CSMD1: variants seen among roughly 807,000 people sequenced by gnomAD.
The protein encoded by CSMD1 is CUB and sushi domain-containing protein 1.
CSMD1 carries 213 observed loss-of-function variants against 417.5 expected under a neutral mutation model. The ratio of observed to expected loss-of-function variants is 0.51; its 90% CI spans 0.46 to 0.57. The LOEUF (loss-of-function observed/expected upper bound fraction) is 0.57, where lower values mean the gene tolerates loss of function less well. CSMD1 is among the 20% of genes least tolerant of loss of function. The pLI, the probability that CSMD1 is intolerant of heterozygous loss-of-function variation, is 0.00. For synonymous variants in CSMD1, 2,862 were observed against 1,736.8 expected (o/e 1.65, Z -16.11); for missense variants, 6,923 against 4,529.7 (o/e 1.53, Z -15.17).
At chr8:4,071,028 C>A (rs1218716222) in intron 3 of CSMD1, among the ~76,000 whole-genome samples, 2 of 152,058 alleles carry the variant, frequency 1.3e-5, no homozygotes, top group African/African-American at 4.8e-5. Context: ...CAAGCTTTTT[C>A]TCTGTCTCTT....
At chr8:3,207,921 A>G (rs1032233137) in intron 30 of CSMD1, among the ~76,000 whole-genome samples, 1 of 152,166 alleles carries the variant, frequency 6.6e-6, no homozygotes, top group Admixed American at 6.5e-5. Context: ...CAACTTCAAA[A>G]CTGAAGGTTT....
chr8:3,652,212 T>C (rs1797893211), intron 7 of CSMD1, among the ~76,000 whole-genome samples: 1 of 147,950 alleles, frequency 6.8e-6, no homozygotes, highest in South Asian at 2.2e-4. Flanking sequence ...CCTACCACCA[T>C]CAGAGCGCCA....
intron 2 of CSMD1, among the ~76,000 whole-genome samples, chr8:4,531,051 A>G (rs908791591): frequency 6.6e-6 from 1 of 152,170 alleles, no homozygotes; most frequent in African/African-American, 2.4e-5. Context: ...CGTTGATTGT[A>G]TGATACTCTA....
At position 3,538,667 on chromosome 8, in the gene CSMD1, T is replaced by C. The variant is rs147020342; in HGVS notation, c.1344+36278A>G. Reference sequence around the variant, plus strand: ...CCTCTTTTTGTTGCCAGACTGGCCTTTTCTTCCTTAGCAACGTGGCATGGC... The same window carrying C: ...CCTCTTTTTGTTGCCAGACTGGCCTCTTCTTCCTTAGCAACGTGGCATGGC... On this transcript the variant is annotated intron_variant, in intron 10 of 69. Coordinates refer to ENST00000635120, the MANE Select transcript of CSMD1 (RefSeq NM_033225.6). Among the ~76,000 whole-genome samples the C allele has an allele frequency of 5.8e-3, 882 of 152,358 alleles. 11 individuals are homozygous for C. Among genetic ancestry groups the C allele is most frequent in the African/African-American group, 0.02 (839 of 41,584 alleles).
chr8:3,448,974 G>C (rs1030051647), intron 12 of CSMD1, among the ~76,000 whole-genome samples: 1 of 152,184 alleles, frequency 6.6e-6, no homozygotes, highest in African/African-American at 2.4e-5. Context: ...AATCGCAATG[G>C]ATGTAAACAA....
At chr8:4,305,763 T>C (rs141236395) in intron 3 of CSMD1, among the ~76,000 whole-genome samples, 8 of 152,282 alleles carry the variant, frequency 5.3e-5, no homozygotes, top group African/African-American at 1.7e-4. Flanking sequence ...TACTGATCTG[T>C]ATTTTAAATT....
intron 41 of CSMD1, among the ~76,000 whole-genome samples, chr8:3,122,134 G>C (rs924921943): frequency 1.3e-5 from 2 of 152,180 alleles, no homozygotes; most frequent in South Asian, 4.1e-4. Flanking sequence ...TATCTTTTGA[G>C]ATGTAATCTT....
At chr8:4,931,373 A>C (rs1807234245) in intron 1 of CSMD1, among the ~76,000 whole-genome samples, 1 of 152,146 alleles carries the variant, frequency 6.6e-6, no homozygotes, top group African/African-American at 2.4e-5. Context: ...CATGTAACTC[A>C]CTTTAGCTAA....
intron 22 of CSMD1, among the ~76,000 whole-genome samples, chr8:3,345,837 T>C (rs895333803): frequency 6.6e-6 from 1 of 152,204 alleles, no homozygotes; most frequent in African/African-American, 2.4e-5. Context: ...TTCCCAGTTT[T>C]ACAGAAACTA....
At chr8:3,231,707 A>G (rs559833418) in intron 26 of CSMD1, among the ~76,000 whole-genome samples, 226 of 152,338 alleles carry the variant, frequency 1.5e-3, no homozygotes, top group African/African-American at 5.3e-3. Context: ...CCAAAGCTCT[A>G]TCCAATAGTG....
chr8:3,271,988 G>A (rs913104921), intron 26 of CSMD1, among the ~76,000 whole-genome samples: 1 of 151,990 alleles, frequency 6.6e-6, no homozygotes, highest in African/African-American at 2.4e-5. Flanking sequence ...TTGTGTTTGA[G>A]ACATGCAGTC....
intron 1 of CSMD1, among the ~76,000 whole-genome samples, chr8:4,946,857 A>G: frequency 6.6e-6 from 1 of 152,202 alleles, no homozygotes; most frequent in East Asian, 1.9e-4. Flanking sequence ...TTGACATAAG[A>G]TTTTAAATCA....
chr8:3,529,209 G>A (rs867014347), intron 10 of CSMD1, among the ~76,000 whole-genome samples: 1 of 152,170 alleles, frequency 6.6e-6, no homozygotes, highest in African/African-American at 2.4e-5. Context: ...CCAAAGTCAA[G>A]AGTTGTGTTA....
At position 4,604,102 on chromosome 8, in the gene CSMD1, T is replaced by C. The variant is rs1034265886; in HGVS notation, c.302+33240A>G. On this transcript the variant is annotated intron_variant, in intron 2 of 69. Transcript: ENST00000635120. ...TGTTATCATAGACAGATAAACAATTTTTTATTCTTTTTCTTTCCACTTATG... is the reference window on the plus strand; with the variant it reads ...TGTTATCATAGACAGATAAACAATTCTTTATTCTTTTTCTTTCCACTTATG... 3.9e-5 allele frequency among the ~76,000 whole-genome samples: 6 copies of C among 152,170 alleles called. No homozygotes were observed. In the East Asian group the frequency reaches 5.8e-4, roughly 15 times the overall value.
intron 1 of CSMD1, among the ~76,000 whole-genome samples, chr8:4,808,072 C>A (rs758962585): frequency 1.3e-5 from 2 of 152,146 alleles, no homozygotes; most frequent in Non-Finnish European, 2.9e-5. Flanking sequence ...CTCGTGTGGG[C>A]TCAATGTCCT....
At position 4,391,004 on chromosome 8, in the gene CSMD1, C is replaced by G. The variant is rs1460059850; in HGVS notation, c.415+28949G>C. On this transcript the variant is annotated intron_variant, in intron 3 of 69. Transcript: ENST00000635120. ...TTCTACCATATGTGTGTTTGTACTTCAGGAATTCATTTTATCCTAAGAATC... is the reference window on the plus strand; with the variant it reads ...TTCTACCATATGTGTGTTTGTACTTGAGGAATTCATTTTATCCTAAGAATC... Among the ~76,000 whole-genome samples the G allele has an allele frequency of 5.3e-5, 8 of 152,146 alleles. 1 individual carries two copies. Among genetic ancestry groups the G allele is most frequent in the African/African-American group, 1.9e-4 (8 of 41,430 alleles).
intron 1 of CSMD1, among the ~76,000 whole-genome samples, chr8:4,658,250 C>A (rs758080047): frequency 6.6e-6 from 1 of 152,098 alleles, no homozygotes; most frequent in African/African-American, 2.4e-5. Flanking sequence ...TCGAGAAACT[C>A]AGATACGTGT....
Position 4,274,061 on chromosome 8 carries a change from T to G in CSMD1, c.415+145892A>C, listed in dbSNP as rs555091765. Among the ~76,000 whole-genome samples, 190 of 152,328 alleles carry G rather than the reference T, an allele frequency of 1.2e-3. 1 individual carries two copies. The South Asian group carries it at 0.017, about 14-fold the overall frequency. ...AATGCAGAGTTGAAGTAAGAAACTGTGACTTTATTGTAATATATAACTCAT... is the reference window on the plus strand; with the variant it reads ...AATGCAGAGTTGAAGTAAGAAACTGGGACTTTATTGTAATATATAACTCAT... On this transcript the variant is annotated intron_variant, in intron 3 of 69. Transcript: ENST00000635120.
intron 5 of CSMD1, among the ~76,000 whole-genome samples, chr8:3,928,480 A>C (rs1003368111): frequency 1.3e-5 from 2 of 152,168 alleles, no homozygotes; most frequent in Non-Finnish European, 2.9e-5. Context: ...AGAAATAAAA[A>C]TGCAGTTAAG....
Sources: allele counts gnomAD v4.1 joint callset (sites outside exome capture counted in the v4.1 genomes callset), GRCh38; gene constraint gnomAD v4.1.1; transcripts MANE v1.5; gene names NCBI Gene and HGNC (gene_info 2026-07-23, HGNC 2026-07-21).